The following SGCD variants were observed in gnomAD, a reference collection of about 807,000 sequenced individuals.
The protein encoded by SGCD is sarcoglycan delta, also known as delta-sarcoglycan.
SGCD carries 18 observed loss-of-function variants against 36.6 expected under a neutral mutation model. That is an observed-to-expected ratio of 0.49 (90% CI 0.34 to 0.73). SGCD has a LOEUF of 0.73. Ranked by LOEUF, SGCD falls within the 30% of genes least tolerant of loss-of-function variation. The pLI is 0.01. For synonymous variants in SGCD, 133 were observed against 130.6 expected (o/e 1.02, Z -0.12); for missense variants, 387 against 346.7 (o/e 1.12, Z -0.92).
At chr5:155,758,211 A>C in the SGCD span, among the ~76,000 whole-genome samples, 1 of 152,152 alleles carries the variant, frequency 6.6e-6, no homozygotes. Context: ...GAAACAAAAC[A>C]AACAAACAAA....
intron 4 of SGCD, among the ~76,000 whole-genome samples, chr5:156,513,833 A>G (rs1443563712): frequency 6.6e-6 from 1 of 152,242 alleles, no homozygotes; most frequent in Non-Finnish European, 1.5e-5. Flanking sequence ...GCCCCAGGAC[A>G]TTCTAGCTTT....
At chr5:156,501,736 A>T (rs1756462095) in intron 3 of SGCD, among the ~76,000 whole-genome samples, 1 of 152,200 alleles carries the variant, frequency 6.6e-6, no homozygotes, top group Non-Finnish European at 1.5e-5. Context: ...TGAGTTGAGT[A>T]CCGCACCCTG....
At chr5:156,477,471 A>G (rs1378957573) in intron 3 of SGCD, among the ~76,000 whole-genome samples, 3 of 152,216 alleles carry the variant, frequency 2.0e-5, no homozygotes, top group African/African-American at 7.2e-5. Flanking sequence ...TCTCATTTCA[A>G]TTATTCTAGA....
At chr5:155,870,621 A>G (rs1166705425) in intron 1 of SGCD, among the ~76,000 whole-genome samples, 1 of 152,134 alleles carries the variant, frequency 6.6e-6, no homozygotes, top group African/African-American at 2.4e-5. Flanking sequence ...TATTCTGATG[A>G]TTGTATTCTC....
chr5:156,483,974 A>C (rs562448620), intron 3 of SGCD, among the ~76,000 whole-genome samples: 57 of 152,342 alleles, frequency 3.7e-4, no homozygotes, highest in African/African-American at 1.2e-3. Context: ...GTTAATCTGC[A>C]GCAGCAGAAG....
At chr5:156,354,568 G>A (rs1769411596) in intron 3 of SGCD, among the ~76,000 whole-genome samples, 4 of 152,142 alleles carry the variant, frequency 2.6e-5, no homozygotes, top group African/African-American at 7.2e-5. Flanking sequence ...TACAACTAAA[G>A]TTATTTTTAT....
At chr5:156,724,835 T>C (rs2113789744) in intron 7 of SGCD, among the ~76,000 whole-genome samples, 1 of 152,286 alleles carries the variant, frequency 6.6e-6, no homozygotes, top group Non-Finnish European at 1.5e-5. Flanking sequence ...TCCATGCCAA[T>C]CTGGAGAGAC....
the SGCD span, among the ~76,000 whole-genome samples, chr5:155,844,058 A>G: frequency 2.6e-5 from 4 of 152,278 alleles, no homozygotes; most frequent in East Asian, 7.7e-4. Flanking sequence ...AGTAAAACTG[A>G]TACTTTGAAC....
At chr5:155,971,270 G>A (rs937929333) in intron 1 of SGCD, among the ~76,000 whole-genome samples, 2 of 152,100 alleles carry the variant, frequency 1.3e-5, no homozygotes, top group African/African-American at 4.8e-5. Context: ...TGCTCAACAT[G>A]TCTAATAAGC....
rs190085079 is a variant in SGCD, at chr5:155,873,067, C to A, written c.-282+2643C>A. On this transcript the variant is annotated intron_variant, in intron 1 of 9. Coordinates refer to the SGCD transcript ENST00000517913. ...GGACAAAGGCACAATGTAGTTATTG[C>A]CCCTTCAGGTACCTGATCAAGGCTA... 4.6e-5 allele frequency among the ~76,000 whole-genome samples: 7 copies of A among 152,244 alleles called. No individual in the cohort carries two copies. The East Asian group carries it at 1.2e-3, about 25-fold the overall frequency.
chr5:155,770,143 AC>A, the SGCD span, among the ~76,000 whole-genome samples: 3,030 of 152,064 alleles, frequency 0.02, 99 homozygotes, highest in African/African-American at 0.07. Flanking sequence ...AGACCACCAC[AC>A]CCCTGTCCCC....
intron 1 of SGCD, among the ~76,000 whole-genome samples, chr5:155,960,732 G>A (rs1757775730): frequency 6.6e-6 from 1 of 152,024 alleles, no homozygotes; most frequent in Non-Finnish European, 1.5e-5. Context: ...TTGTAAATAA[G>A]CATTTGTTTT....
the SGCD span, among the ~76,000 whole-genome samples, chr5:155,733,015 T>A: frequency 3.3e-3 from 1 of 306 alleles, no homozygotes; most frequent in African/African-American, 8.8e-3. Context: ...GTTATACTCG[T>A]TTTTTTTTTT....
chr5:156,046,863 G>A (rs563976349), intron 1 of SGCD, among the ~76,000 whole-genome samples: 1 of 152,150 alleles, frequency 6.6e-6, no homozygotes, highest in African/African-American at 2.4e-5. Context: ...AGCAAGGAAG[G>A]CATGTCTAAA....
In SGCD at chr5:156,508,682, A is replaced by C. The variant is rs1159364901; in HGVS notation, c.274A>C (p.Lys92Gln). The C allele has an allele frequency of 6.2e-7, 1 of 1,602,932 alleles. No individual in the cohort carries two copies. The highest frequency in any genetic ancestry group is 1.7e-5 in the Admixed American group (1 of 59,106). ...DSEFLQPLYA[K>Q]EIQSRPGNAL... The stretch of plus-strand genomic sequence containing the variant: ...TGAATTCTTACAACCTCTCTACGCC[A>C]AAGAAATCCAGTCCCGACCAGTAAG... Residue 92 changes from lysine (K) to glutamine (Q), a missense_variant, in exon 4 of 9, where the codon AAA becomes CAA. Physicochemically the swap from Lys to Gln is moderately conservative, Grantham distance 53 (BLOSUM62 1). Transcript: ENST00000337851.
At chr5:156,729,569 T>G (rs1755954319) in intron 7 of SGCD, among the ~76,000 whole-genome samples, 1 of 152,202 alleles carries the variant, frequency 6.6e-6, no homozygotes, top group South Asian at 2.1e-4. Flanking sequence ...AAGCACTCAA[T>G]GAATATTACT....
chr5:156,561,568 G>A (rs901374001), intron 4 of SGCD, among the ~76,000 whole-genome samples: 2 of 152,184 alleles, frequency 1.3e-5, no homozygotes, highest in Non-Finnish European at 2.9e-5. Flanking sequence ...GATCAGAACT[G>A]TTCCTGTTAG....
At chr5:156,363,193 G>A (rs1018476966) in intron 3 of SGCD, among the ~76,000 whole-genome samples, 1 of 152,100 alleles carries the variant, frequency 6.6e-6, no homozygotes, top group Non-Finnish European at 1.5e-5. Flanking sequence ...TGCACAAATA[G>A]CTTTCCGTGT....
At chr5:156,108,516 C>T (rs751713033) in intron 1 of SGCD, among the ~76,000 whole-genome samples, 2 of 151,934 alleles carry the variant, frequency 1.3e-5, no homozygotes, top group Non-Finnish European at 1.5e-5. Context: ...ATCTGTTATA[C>T]ATATTAATAA....
Sources: gnomAD v4.1 joint callset for allele counts (sites outside exome capture counted in the v4.1 genomes callset) on GRCh38, gnomAD v4.1.1 for gene constraint, MANE v1.5 for transcripts, NCBI Gene and HGNC (gene_info 2026-07-23, HGNC 2026-07-21) for gene names.